Variants in KAT6B observed in about 807,000 individuals in gnomAD.
The protein encoded by KAT6B is lysine acetyltransferase 6B.
A neutral mutation model predicts 187.5 loss-of-function variants in KAT6B; 10 were observed. The observed-to-expected ratio is 0.05, with a 90% CI of 0.03 to 0.09. The LOEUF is 0.09. KAT6B is among the 10% of genes least tolerant of loss of function. The pLI, the probability that KAT6B is intolerant of heterozygous loss-of-function variation, is 1.00. For missense variants in KAT6B, 1,952 were observed against 2,558.9 expected (o/e 0.76, Z 5.12); for synonymous variants, 861 against 926.8 (o/e 0.93, Z 1.29).
chr10:74,979,383 A>G (rs375259700), intron 10 of KAT6B, 44 bp downstream of exon 10: 77 of 1,317,194 alleles, frequency 5.8e-5, no homozygotes, highest in Non-Finnish European at 8.1e-5. Context: ...AATGTCACAT[A>G]TGTGAGAAAG....
intron 6 of KAT6B, among the ~76,000 whole-genome samples, chr10:74,971,072 C>A (rs1047431380): frequency 5.9e-5 from 9 of 152,096 alleles, no homozygotes; most frequent in Non-Finnish European, 1.3e-4. Flanking sequence ...CTCACTACTC[C>A]CTGCTGTCTT....
At position 75,021,292 on chromosome 10, in the gene KAT6B, AT is replaced by A; in HGVS notation, c.3021+9del. The A allele has an allele frequency of 1.2e-6, 2 of 1,613,634 alleles. No individual in the cohort carries two copies. The highest frequency in any genetic ancestry group is 1.7e-6 in the Non-Finnish European group (2 of 1,179,602). On this transcript the variant is annotated splice_region_variant and intron_variant, in intron 15 of 17. Coordinates refer to ENST00000287239, the MANE Select transcript of KAT6B (RefSeq NM_012330.4). ...GCGAGAAGCTGAGAAAGAGGTAATG[AT>A]TGTCTTTATCATCCTAAGTTGTGTA...
intron 17 of KAT6B, among the ~76,000 whole-genome samples, chr10:75,027,593 T>G: frequency 6.6e-6 from 1 of 151,814 alleles, no homozygotes; most frequent in South Asian, 2.1e-4. Context: ...TAATATATAT[T>G]TATTAATATG....
intron 1 of KAT6B, among the ~76,000 whole-genome samples, chr10:74,835,884 A>T (rs1841264551): frequency 6.6e-6 from 1 of 152,212 alleles, no homozygotes; most frequent in Non-Finnish European, 1.5e-5. Context: ...AATCAGTGGC[A>T]TTTAGTACAT....
chr10:74,875,474 CTTT>C (rs553387866), intron 3 of KAT6B, among the ~76,000 whole-genome samples: 2 of 138,958 alleles, frequency 1.4e-5, no homozygotes, highest in Non-Finnish European at 3.2e-5. Context: ...TCCTTTTTTT[CTTT>C]TTTTTTTTTT....
chr10:75,028,586 C>G lies in KAT6B; in HGVS notation c.3762C>G (p.Arg1254=), dbSNP rs145119505. 3.1e-6 allele frequency: 5 copies of G among 1,614,104 alleles called. No individual in the cohort carries two copies. Residue 1254 remains arginine, a synonymous_variant, in exon 18 of 18, where the codon CGC becomes CGG. Coordinates refer to ENST00000287239, the MANE Select transcript of KAT6B (RefSeq NM_012330.4). ...AAGTGTGGCCAAAAGGAACAAAGCG[C>G]GGTCTATCTAAGTGGAGGCAAAACA... ...CKQVWPKGTK[R]GLSKWRQNKE...
chr10:74,979,086 A>G (rs1310281443), intron 9 of KAT6B, 138 bp from the exon 10 acceptor site: 3 of 663,788 alleles, frequency 4.5e-6, no homozygotes, highest in South Asian at 3.7e-5. Flanking sequence ...ATAAGGGTCT[A>G]TAGTGTTTTA....
At chr10:74,857,413 C>T (rs1041219316) in intron 3 of KAT6B, among the ~76,000 whole-genome samples, 2 of 152,208 alleles carry the variant, frequency 1.3e-5, no homozygotes, top group South Asian at 2.1e-4. Context: ...TCTGACTGTT[C>T]TTTCACAGTC....
chr10:74,833,092 GCCATTGCACT>G (rs891806735), intron 1 of KAT6B, among the ~76,000 whole-genome samples: 2 of 130,744 alleles, frequency 1.5e-5, no homozygotes, highest in African/African-American at 3.0e-5. Context: ...CCGAGATCAC[GCCATTGCACT>G]CCAGCCTGGG....
chr10:74,859,456 T>TA (rs1843026041), intron 3 of KAT6B, among the ~76,000 whole-genome samples: 1 of 152,188 alleles, frequency 6.6e-6, no homozygotes, highest in African/African-American at 2.4e-5. Context: ...CTCATTTATT[T>TA]AAAAAAGAAA....
intron 3 of KAT6B, among the ~76,000 whole-genome samples, chr10:74,940,423 G>A (rs1589668495): frequency 6.6e-6 from 1 of 151,474 alleles, no homozygotes; most frequent in Non-Finnish European, 1.5e-5. Context: ...CTACAGGCAC[G>A]TGCCACCATG....
chr10:74,915,994 C>T (rs2132986992), intron 3 of KAT6B, among the ~76,000 whole-genome samples: 1 of 152,200 alleles, frequency 6.6e-6, no homozygotes, highest in South Asian at 2.1e-4. Flanking sequence ...GAAACCCCGC[C>T]TCTACTAATA....
chr10:74,959,964 T>C lies in KAT6B; in HGVS notation c.622-6T>C. ...GACAGTATTTTTTATTTTAATTTTG[T>C]CATAGCCCCGTGCTGATCCCATTCC... On this transcript the variant is annotated splice_region_variant and splice_polypyrimidine_tract_variant and intron_variant, in intron 3 of 17. Coordinates refer to ENST00000287239, the MANE Select transcript of KAT6B (RefSeq NM_012330.4). 1 of 1,577,214 alleles carries C rather than the reference T, an allele frequency of 6.3e-7. No individual in the cohort carries two copies. The highest frequency in any genetic ancestry group is 1.1e-5 in the South Asian group (1 of 90,310).
chr10:74,872,109 G>A (rs1255678911), intron 3 of KAT6B, among the ~76,000 whole-genome samples: 6 of 152,132 alleles, frequency 3.9e-5, no homozygotes, highest in Non-Finnish European at 8.8e-5. Flanking sequence ...GGAAATGCCC[G>A]GCATTGTGTC....
At chr10:74,932,525 T>A (rs1848959343) in intron 3 of KAT6B, among the ~76,000 whole-genome samples, 1 of 152,132 alleles carries the variant, frequency 6.6e-6, no homozygotes, top group African/African-American at 2.4e-5. Context: ...TCTGAAAACA[T>A]AGATGAAATA....
rs535449052 is a variant in KAT6B at position 74,900,852 on chromosome 10, T to C, written c.621+57374T>C. Among the ~76,000 whole-genome samples the C allele has an allele frequency of 1.2e-4, 18 of 152,376 alleles. No individual in the cohort carries two copies. In the South Asian group the frequency reaches 3.7e-3, roughly 32 times the overall value. ...GTGGGGGTTAAACAGAGACCTATTC[T>C]AAGTGATTCTTGACTGTTTGTCCAG... On this transcript the variant is annotated intron_variant, in intron 3 of 17. Transcript: ENST00000287239.
At chr10:74,855,188 T>C (rs1842737944) in intron 3 of KAT6B, among the ~76,000 whole-genome samples, 1 of 152,174 alleles carries the variant, frequency 6.6e-6, no homozygotes, top group Admixed American at 6.5e-5. Context: ...TTGATGTCAG[T>C]GAGCTGCCAT....
At chr10:74,849,165 G>C (rs1842308252) in intron 3 of KAT6B, among the ~76,000 whole-genome samples, 1 of 152,096 alleles carries the variant, frequency 6.6e-6, no homozygotes, top group Admixed American at 6.5e-5. Flanking sequence ...TATTTTAGTA[G>C]AGATGGGGTT....
intron 3 of KAT6B, among the ~76,000 whole-genome samples, chr10:74,847,365 A>G (rs767756379): frequency 5.3e-5 from 8 of 152,206 alleles, no homozygotes; most frequent in Non-Finnish European, 5.9e-5. Flanking sequence ...TCTTTAATGA[A>G]ATAGCATTTT....
Sources: gnomAD v4.1 joint callset for allele counts (sites outside exome capture counted in the v4.1 genomes callset) on GRCh38, gnomAD v4.1.1 for gene constraint, MANE v1.5 for transcripts, NCBI Gene and HGNC (gene_info 2026-07-23, HGNC 2026-07-21) for gene names.